Variants in PBLD observed in about 807,000 individuals in gnomAD.
PBLD encodes the protein phenazine biosynthesis like protein domain containing, also known as phenazine biosynthesis-like domain-containing protein.
Under a neutral mutation model 31.3 loss-of-function variants are expected in PBLD, and 26 were observed. The ratio of observed to expected loss-of-function variants is 0.83; its 90% confidence interval spans 0.61 to 1.15. The LOEUF (loss-of-function observed/expected upper bound fraction) is 1.15. Ranked by LOEUF, PBLD falls within the 50% of genes most tolerant of loss-of-function variation. The pLI is 0.00. For synonymous variants in PBLD, 114 were observed against 129.0 expected (o/e 0.88, Z 0.79); for missense variants, 307 against 351.7 (o/e 0.87, Z 1.02).
intron 4 of PBLD, among the ~76,000 whole-genome samples, chr10:68,294,935 C>T (rs2044405536): frequency 1.3e-5 from 2 of 152,166 alleles, no homozygotes; most frequent in Admixed American, 6.5e-5. Context: ...GCCCATCCCC[C>T]ACAGTGACAT....
rs2044365280 is a variant in PBLD at position 68,292,041 on chromosome 10, T to C, written c.394-2A>G. The C allele has an allele frequency of 6.3e-7, 1 of 1,590,446 alleles. No individual in the cohort carries two copies. The highest frequency in any genetic ancestry group is 8.6e-7 in the Non-Finnish European group (1 of 1,160,388). ...CAAGTCCTCTACTTCATGGAAGTCCTAGATGGGGGGAAAAAAAACAAAATT... is the reference window on the plus strand; with the variant it reads ...CAAGTCCTCTACTTCATGGAAGTCCCAGATGGGGGGAAAAAAAACAAAATT... On this transcript the variant is annotated splice_acceptor_variant, in intron 5 of 9. Coordinates refer to ENST00000358769, the MANE Select transcript of PBLD (RefSeq NM_022129.4). LOFTEE classifies it high-confidence loss of function.
intron 1 of PBLD, among the ~76,000 whole-genome samples, 160 bp downstream of exon 1, chr10:68,332,624 T>C (rs778338343): frequency 6.2e-4 from 94 of 151,910 alleles, no homozygotes; most frequent in Non-Finnish European, 1.2e-3. Flanking sequence ...CAAAGCTCCC[T>C]GGAAGGGATG....
chr10:68,319,050 A>G (rs1461471819), intron 1 of PBLD, among the ~76,000 whole-genome samples: 2 of 104,750 alleles, frequency 1.9e-5, no homozygotes, highest in African/African-American at 8.8e-5. Context: ...AGAAAGAAAG[A>G]GAGAGAAAGA....
intron 6 of PBLD, among the ~76,000 whole-genome samples, chr10:68,291,081 A>C (rs1231045136): frequency 6.6e-6 from 1 of 152,186 alleles, no homozygotes; most frequent in African/African-American, 2.4e-5. Context: ...AGAAATACCC[A>C]AGTAGTACTC....
intron 1 of PBLD, among the ~76,000 whole-genome samples, chr10:68,319,051 GAGAGAAAGAAAGAA>G (rs2044781042): frequency 2.0e-5 from 2 of 98,710 alleles, no homozygotes; most frequent in African/African-American, 9.2e-5. Flanking sequence ...GAAAGAAAGA[GAGAGAAAGAAAGAA>G]AGAAAGAAAG....
chr10:68,290,348 C>T (rs951521381), intron 6 of PBLD, among the ~76,000 whole-genome samples: 24 of 152,308 alleles, frequency 1.6e-4, no homozygotes, highest in African/African-American at 5.3e-4. Flanking sequence ...GGAACTCCTA[C>T]AGCCGGATCC....
In PBLD at chr10:68,288,484, T is replaced by C; in HGVS notation, c.690A>G (p.Thr230=). 6.2e-7 allele frequency: 1 copy of C among 1,612,796 alleles called. No homozygotes were observed. The highest frequency in any genetic ancestry group is 8.5e-7 in the Non-Finnish European group (1 of 1,179,630). Residue 230 remains threonine, a splice_region_variant and synonymous_variant, in exon 8 of 10, where the codon ACA becomes ACG. Transcript: ENST00000358769. The part of the protein sequence containing the change: ...PWVGVAEDPV[T]GSAHAVLSSY... Reference sequence around the variant, plus strand: ...CCCCTGGGCTCAAGTAAAAAGTACCTGTCACTGGGTCTTCAGCCACACCAA... The same window carrying C: ...CCCCTGGGCTCAAGTAAAAAGTACCCGTCACTGGGTCTTCAGCCACACCAA...
chr10:68,301,147 C>T (rs879851843), intron 2 of PBLD, among the ~76,000 whole-genome samples: 2 of 152,150 alleles, frequency 1.3e-5, no homozygotes, highest in Non-Finnish European at 2.9e-5. Context: ...CCACCCACCT[C>T]GGCCTCCCAA....
intron 9 of PBLD, among the ~76,000 whole-genome samples, chr10:68,284,843 T>C (rs542177251): frequency 3.9e-5 from 6 of 152,250 alleles, no homozygotes; most frequent in Non-Finnish European, 5.9e-5. Context: ...CCAAGGAAAA[T>C]GAATAGCCAC....
intron 6 of PBLD, among the ~76,000 whole-genome samples, chr10:68,291,239 AC>A (rs1183214662): frequency 4.6e-5 from 7 of 152,156 alleles, no homozygotes; most frequent in Admixed American, 3.3e-4. Context: ...TGCAGTGCCT[AC>A]CTTACTGAGA....
At chr10:68,319,059 GAAAGAAAGAA>G (rs2044783793) in intron 1 of PBLD, among the ~76,000 whole-genome samples, 1 of 92,820 alleles carries the variant, frequency 1.1e-5, no homozygotes, top group Admixed American at 1.2e-4. Flanking sequence ...GAGAGAGAAA[GAAAGAAAGAA>G]AGAAAGAAAG....
intron 1 of PBLD, among the ~76,000 whole-genome samples, chr10:68,319,976 A>G (rs1156860559): frequency 6.6e-6 from 1 of 151,874 alleles, no homozygotes; most frequent in Non-Finnish European, 1.5e-5. Flanking sequence ...GGCATGTGCC[A>G]TCACGCCCGG....
intron 1 of PBLD, among the ~76,000 whole-genome samples, chr10:68,310,704 G>C (rs950795541): frequency 6.7e-6 from 1 of 148,254 alleles, no homozygotes; most frequent in Admixed American, 6.9e-5. Context: ...TGCAGTATTT[G>C]TCTTTCTGTG....
rs201398509 is a variant in PBLD, at chr10:68,285,334, A to G, written c.754+14T>C. On this transcript the variant is annotated intron_variant, in intron 9 of 9. Coordinates refer to ENST00000358769, the MANE Select transcript of PBLD (RefSeq NM_022129.4). The stretch of plus-strand genomic sequence containing the variant: ...TAGGCAAATAAAAAAGAAATTGGTA[A>G]AGAGCTGTCCTACCATGCATTTCTT... The G allele has an allele frequency of 2.9e-3, 4,752 of 1,614,062 alleles. 13 individuals are homozygous for G. Among genetic ancestry groups the G allele is most frequent in the Non-Finnish European group, 3.8e-3 (4,536 of 1,179,960 alleles).
intron 1 of PBLD, among the ~76,000 whole-genome samples, chr10:68,313,502 C>G (rs2044697647): frequency 6.6e-6 from 1 of 152,186 alleles, no homozygotes; most frequent in African/African-American, 2.4e-5. Context: ...CACAGAAGCT[C>G]CAAACACCGC....
chr10:68,302,233 ATC>A (rs2044514721), intron 2 of PBLD, among the ~76,000 whole-genome samples: 1 of 152,224 alleles, frequency 6.6e-6, no homozygotes, highest in Admixed American at 6.5e-5. Flanking sequence ...CCCTTTGGCC[ATC>A]TCATGTGAAT....
In PBLD at chr10:68,310,579, T is replaced by C. The variant is rs1361928388; in HGVS notation, c.-59-3676A>G. 4.0e-5 allele frequency among the ~76,000 whole-genome samples: 6 copies of C among 150,008 alleles called. 1 individual carries two copies. The Admixed American group carries it at 4.1e-4, about 10-fold the overall frequency. ...CTATCTACTGTAATTATGTACCCTT[T>C]GGCCAGATCTCCCCAACCACTCCCC... On this transcript the variant is annotated intron_variant, in intron 1 of 9. Transcript: ENST00000358769.
At chr10:68,306,664 A>C in intron 2 of PBLD, 97 bp downstream of exon 2, 3 of 1,116,590 alleles carry the variant, frequency 2.7e-6, no homozygotes, top group Non-Finnish European at 3.9e-6. Context: ...CAAACCAAAG[A>C]GGTAAACAAA....
At chr10:68,303,699 G>C (rs891929170) in intron 2 of PBLD, among the ~76,000 whole-genome samples, 8 of 151,976 alleles carry the variant, frequency 5.3e-5, no homozygotes, top group Non-Finnish European at 8.8e-5. Flanking sequence ...TTTACTTTCA[G>C]TAGTCTTTTA....
Sources: gnomAD v4.1 joint callset for allele counts (sites outside exome capture counted in the v4.1 genomes callset) on GRCh38, gnomAD v4.1.1 for gene constraint, MANE v1.5 for transcripts, NCBI Gene and HGNC (gene_info 2026-07-23, HGNC 2026-07-21) for gene names.